Variants in BACH1 observed in about 807,000 individuals in gnomAD.
BACH1 encodes the protein transcription regulator protein BACH1.
BACH1 carries 35 observed loss-of-function variants against 52.9 expected under a neutral mutation model. The ratio of observed to expected loss-of-function variants is 0.66; its 90% confidence interval spans 0.51 to 0.88. The LOEUF (loss-of-function observed/expected upper bound fraction) is 0.88. BACH1 is among the 40% of genes least tolerant of loss of function. The pLI is 0.00. For missense variants in BACH1, 808 were observed against 872.6 expected, an observed-to-expected ratio of 0.93 and a Z score of 0.93; for synonymous variants, 321 against 319.6, an observed-to-expected ratio of 1.00 and a Z score of -0.05.
At chr21:29,351,952 A>G (rs1199004967) in intron 2 of BACH1, 3 of 325,762 alleles carry the variant, frequency 9.2e-6, no homozygotes, top group Non-Finnish European at 1.8e-5. Context: ...AATTGCAGAA[A>G]TTTAAGCAAT....
chr21:29,325,732 C>T (rs1645129452), intron 2 of BACH1, among the ~76,000 whole-genome samples: 1 of 151,986 alleles, frequency 6.6e-6, no homozygotes, highest in Non-Finnish European at 1.5e-5. Flanking sequence ...TCATCCTGCT[C>T]TAATTCATAG....
At chr21:29,310,019 T>C (rs1386659105) in intron 1 of BACH1, among the ~76,000 whole-genome samples, 1 of 152,206 alleles carries the variant, frequency 6.6e-6, no homozygotes, top group Non-Finnish European at 1.5e-5. Context: ...CTCTCATTTT[T>C]TTTAAACACC....
chr21:29,326,080 C>A lies in BACH1; in HGVS notation c.256C>A (p.Pro86Thr), dbSNP rs1483937236. ...PEEVTVKGFE[P>T]LIQFAYTAKL... ...ACAGGTGACAGTTAAAGGATTTGAA[C>A]CTTTAATTCAGTTTGCCTACACTGC... Residue 86 changes from proline to threonine, a missense_variant, in exon 3 of 5, where the codon CCT (proline) becomes ACT (threonine). Physicochemically the swap from Pro to Thr is conservative, Grantham distance 38. Coordinates refer to ENST00000286800, the MANE Select transcript of BACH1 (RefSeq NM_001186.4). 6.2e-7 allele frequency: 1 copy of A among 1,608,412 alleles called. No individual in the cohort carries two copies. The highest frequency in any genetic ancestry group is 2.2e-5 in the East Asian group (1 of 44,822).
At chr21:29,348,578 C>T (rs2089184251), downstream of BACH1, among the ~76,000 whole-genome samples, 2 of 152,198 alleles carry the variant, frequency 1.3e-5, no homozygotes, top group Non-Finnish European at 2.9e-5. Context: ...TTAATTTTGG[C>T]CGTATACACT....
intron 3 of BACH1, 142 bp downstream of exon 3, chr21:29,327,535 T>C (rs1164257603): frequency 1.3e-5 from 16 of 1,219,844 alleles, no homozygotes; most frequent in Non-Finnish European, 1.7e-5. Context: ...ATTGTAAGAC[T>C]GTGTGATAGG....
intron 3 of BACH1, among the ~76,000 whole-genome samples, chr21:29,329,202 G>C (rs1246679337): frequency 1.3e-5 from 2 of 152,152 alleles, no homozygotes; most frequent in African/African-American, 2.4e-5. Context: ...CAGCTACTTA[G>C]GAAGCTGAGG....
intron 2 of BACH1, among the ~76,000 whole-genome samples, chr21:29,324,930 G>A (rs2088892548): frequency 6.6e-6 from 1 of 152,104 alleles, no homozygotes; most frequent in African/African-American, 2.4e-5. Flanking sequence ...GCATGTTTAT[G>A]TTTTTAAGAA....
At chr21:29,302,627 A>G (rs1188179618) in intron 1 of BACH1, among the ~76,000 whole-genome samples, 3 of 152,226 alleles carry the variant, frequency 2.0e-5, no homozygotes, top group African/African-American at 7.2e-5. Context: ...TGAGGATTAT[A>G]TGCGTTAATA....
At chr21:29,330,759 G>A (rs2088971333) in intron 4 of BACH1, among the ~76,000 whole-genome samples, 1 of 151,926 alleles carries the variant, frequency 6.6e-6, no homozygotes, top group Non-Finnish European at 1.5e-5. Context: ...GCTATGAATG[G>A]CAATTAAACA....
chr21:29,301,308 C>CA (rs2088600595), intron 1 of BACH1, among the ~76,000 whole-genome samples: 1 of 152,162 alleles, frequency 6.6e-6, no homozygotes, highest in Non-Finnish European at 1.5e-5. Context: ...TGCAGACTAA[C>CA]AATCGTGTAT....
At chr21:29,324,867 T>G (rs1446087806) in intron 2 of BACH1, among the ~76,000 whole-genome samples, 3 of 152,232 alleles carry the variant, frequency 2.0e-5, no homozygotes, top group East Asian at 3.8e-4. Context: ...CATTAGCATT[T>G]GATGGTATCA....
At chr21:29,330,786 A>G (rs866093297) in intron 4 of BACH1, among the ~76,000 whole-genome samples, 27 of 152,176 alleles carry the variant, frequency 1.8e-4, no homozygotes, top group African/African-American at 5.8e-4. Flanking sequence ...ATTTAGGGAA[A>G]AAAATTGTGC....
At chr21:29,355,620 G>A (rs553036999) in intron 2 of BACH1, among the ~76,000 whole-genome samples, 5 of 152,340 alleles carry the variant, frequency 3.3e-5, no homozygotes, top group Admixed American at 1.3e-4. Flanking sequence ...CAGCGGGTCG[G>A]TCCAGGGGTC....
intron 1 of BACH1, among the ~76,000 whole-genome samples, chr21:29,311,717 C>T (rs968810854): frequency 9.9e-5 from 15 of 152,218 alleles, no homozygotes; most frequent in African/African-American, 3.4e-4. Flanking sequence ...GCTCTAAACA[C>T]TTTTTTTCTA....
chr21:29,304,625 G>A (rs1357747687), intron 1 of BACH1, among the ~76,000 whole-genome samples: 1 of 152,090 alleles, frequency 6.6e-6, no homozygotes, highest in African/African-American at 2.4e-5. Context: ...AGAGTAAATA[G>A]TATAGTAAGG....
At chr21:29,301,120 T>C (rs918098528) in intron 1 of BACH1, among the ~76,000 whole-genome samples, 3 of 152,222 alleles carry the variant, frequency 2.0e-5, no homozygotes, top group African/African-American at 7.2e-5. Context: ...ATTTAAAATA[T>C]TCTGTATTAG....
At position 29,343,491 on chromosome 21, in the gene BACH1, T is replaced by C. The variant is rs2089138043; in HGVS notation, c.*658T>C. On this transcript the variant is annotated 3_prime_UTR_variant, in exon 5 of 5. Coordinates refer to ENST00000286800, the MANE Select transcript of BACH1 (RefSeq NM_001186.4). ...GCTGCTTCTCCTCTTCAGTATGGAC[T>C]CTAGAAAGTCTGGCTACATGAATAG... is the stretch of plus-strand genomic sequence containing the variant. The C allele has an allele frequency of 6.6e-6, 1 of 152,240 alleles. No individual in the cohort carries two copies. The highest frequency in any genetic ancestry group is 6.5e-5 in the Admixed American group (1 of 15,274). The allele number at this position is 152,240 out of a possible 1,614,324, so 9.4% of individuals were successfully genotyped here. A position where few individuals can be genotyped will look rare whatever the true frequency, so the allele number is the denominator to read the frequency against.
Position 29,326,521 on chromosome 21 carries a change from G to A in BACH1, c.697G>A (p.Ala233Thr), listed in dbSNP as rs757462849. 5.0e-6 allele frequency: 8 copies of A among 1,614,178 alleles called. No homozygotes were observed. Among genetic ancestry groups the A allele is most frequent in the South Asian group, 2.2e-5 (2 of 91,082 alleles). The change falls in exon 3 of 5, where the codon GCA becomes ACA. Residue 233 changes from alanine (A) to threonine (T), a missense_variant. Physicochemically the swap from Ala to Thr is moderately conservative, Grantham distance 58 (BLOSUM62 0). Coordinates refer to ENST00000286800, the MANE Select transcript of BACH1 (RefSeq NM_001186.4). ...CCCCAAATACAGAAAATTCCAAAAAGCATTTGGAACTGACAGAGTCCGTAC... is the reference window on the plus strand; with the variant it reads ...CCCCAAATACAGAAAATTCCAAAAAACATTTGGAACTGACAGAGTCCGTAC... ...LCPKYRKFQKAFGTDRVRTGE... is the reference protein window; with the variant it reads ...LCPKYRKFQKTFGTDRVRTGE...
At chr21:29,334,621 A>G (rs2089023207) in intron 4 of BACH1, among the ~76,000 whole-genome samples, 1 of 152,220 alleles carries the variant, frequency 6.6e-6, no homozygotes, top group African/African-American at 2.4e-5. Context: ...AATATTTACC[A>G]AAATGTATTT....
Sources: gnomAD v4.1 joint callset for allele counts (sites outside exome capture counted in the v4.1 genomes callset) on GRCh38, gnomAD v4.1.1 for gene constraint, MANE v1.5 for transcripts, NCBI Gene and HGNC (gene_info 2026-07-23, HGNC 2026-07-21) for gene names.